Variants in CUX2 observed in about 807,000 individuals in gnomAD.
CUX2 encodes homeobox protein cut-like 2.
CUX2 carries 40 observed loss-of-function variants against 144.8 expected under a neutral mutation model. The observed-to-expected ratio is 0.28, with a 90% confidence interval of 0.21 to 0.36. CUX2 has a LOEUF of 0.36. CUX2 is among the 10% of genes least tolerant of loss of function. The pLI is 1.00. For missense variants in CUX2, 1,615 were observed against 1,994.0 expected (o/e 0.81, Z 3.62); for synonymous variants, 827 against 875.6 (o/e 0.94, Z 0.98).
intron 3 of CUX2, among the ~76,000 whole-genome samples, chr12:111,256,917 C>T (rs750408241): frequency 5.3e-5 from 8 of 152,238 alleles, no homozygotes; most frequent in South Asian, 4.2e-4. Flanking sequence ...GATGTCCCTG[C>T]GACCTCAGAC....
At chr12:111,269,647 T>C (rs999354473) in intron 4 of CUX2, among the ~76,000 whole-genome samples, 2 of 151,988 alleles carry the variant, frequency 1.3e-5, no homozygotes, top group African/African-American at 4.8e-5. Context: ...GGCCCCCCAC[T>C]TGGAAACGAG....
intron 21 of CUX2, among the ~76,000 whole-genome samples, chr12:111,342,880 A>G (rs1415632269): frequency 1.4e-5 from 2 of 147,510 alleles, no homozygotes; most frequent in East Asian, 4.1e-4. Context: ...ACTCATTTGA[A>G]CCCAGGAGGC....
intron 1 of CUX2, among the ~76,000 whole-genome samples, chr12:111,063,858 T>C (rs1036966948): frequency 2.0e-5 from 3 of 152,246 alleles, no homozygotes; most frequent in Non-Finnish European, 4.4e-5. Flanking sequence ...TCTGGGCTGT[T>C]GAGTAAATAT....
Position 111,342,065 on chromosome 12 carries a change from G to A in CUX2, c.3659+12G>A. 1.2e-6 allele frequency: 2 copies of A among 1,603,900 alleles called. No individual in the cohort carries two copies. Among genetic ancestry groups the A allele is most frequent in the Middle Eastern group, 1.7e-4 (1 of 6,000 alleles). Reference sequence around the variant, plus strand: ...TTCCACAACTACAGGTGGGACTATGGGGGCGTACCCACAGGCGGGTGGCAG... The same window carrying A: ...TTCCACAACTACAGGTGGGACTATGAGGGCGTACCCACAGGCGGGTGGCAG... On this transcript the variant is annotated intron_variant, in intron 21 of 21. Transcript: ENST00000261726.
chr12:111,204,828 C>A (rs1343392801), intron 1 of CUX2, among the ~76,000 whole-genome samples: 1 of 152,188 alleles, frequency 6.6e-6, no homozygotes, highest in Non-Finnish European at 1.5e-5. Context: ...TCCTGCTGTT[C>A]TCACAGCACT....
intron 1 of CUX2, among the ~76,000 whole-genome samples, chr12:111,173,492 G>A (rs1477174719): frequency 1.3e-5 from 2 of 152,248 alleles, no homozygotes; most frequent in African/African-American, 2.4e-5. Context: ...ATGAGGTGCT[G>A]GGCGCACAGG....
intron 1 of CUX2, among the ~76,000 whole-genome samples, chr12:111,207,980 G>T (rs1881012374): frequency 6.6e-6 from 1 of 152,112 alleles, no homozygotes; most frequent in South Asian, 2.1e-4. Flanking sequence ...GGAGTCAGAA[G>T]GTTCTGGTGC....
chr12:111,303,636 CAAA>C (rs35729076), intron 9 of CUX2, among the ~76,000 whole-genome samples: 4 of 113,282 alleles, frequency 3.5e-5, no homozygotes, highest in Non-Finnish European at 3.8e-5. Flanking sequence ...GACTCCATCT[CAAA>C]AAAAAAAAAA....
chr12:111,319,386 T>C (rs991158408), intron 16 of CUX2, among the ~76,000 whole-genome samples: 1 of 152,204 alleles, frequency 6.6e-6, no homozygotes, highest in Non-Finnish European at 1.5e-5. Flanking sequence ...GCCACTTTTC[T>C]GTGCCTTCGT....
At chr12:111,102,364 G>A (rs1309876076) in intron 1 of CUX2, among the ~76,000 whole-genome samples, 1 of 152,220 alleles carries the variant, frequency 6.6e-6, no homozygotes, top group Non-Finnish European at 1.5e-5. Context: ...CAGGCTTGTG[G>A]CGGTTGTGGG....
At chr12:111,096,198 C>T (rs368278310) in intron 1 of CUX2, among the ~76,000 whole-genome samples, 31 of 152,198 alleles carry the variant, frequency 2.0e-4, no homozygotes, top group African/African-American at 6.3e-4. Flanking sequence ...GAGTCTGGTC[C>T]GCATTCTTGC....
intron 1 of CUX2, among the ~76,000 whole-genome samples, chr12:111,159,107 C>T (rs1286477724): frequency 6.6e-6 from 1 of 152,176 alleles, no homozygotes; most frequent in Admixed American, 6.5e-5. Flanking sequence ...TAGTACCCAC[C>T]TGAGAGCCCA....
intron 3 of CUX2, among the ~76,000 whole-genome samples, chr12:111,241,301 C>T (rs1883008477): frequency 6.6e-6 from 1 of 152,202 alleles, no homozygotes; most frequent in Non-Finnish European, 1.5e-5. Flanking sequence ...GGCCCAAACA[C>T]TTCTCACTAG....
chr12:111,303,646 AAAAAG>A (rs1169782730), intron 9 of CUX2, among the ~76,000 whole-genome samples: 32 of 152,060 alleles, frequency 2.1e-4, no homozygotes, highest in South Asian at 8.3e-4. Flanking sequence ...CAAAAAAAAA[AAAAAG>A]AAAAGAAAAG....
Position 111,287,328 on chromosome 12 carries a change from C to T in CUX2, c.302-4090C>T, listed in dbSNP as rs1406528951. The stretch of plus-strand genomic sequence containing the variant: ...CCCCTCCTTGGAACCGGAGCAAGCC[C>T]TCCGTGGCCCTGCGCAGTCCGCGTG... On this transcript the variant is annotated intron_variant, in intron 4 of 21. Coordinates refer to ENST00000261726, the MANE Select transcript of CUX2 (RefSeq NM_015267.4). The surrounding 1 kb of genome is among the most constrained non-coding windows in gnomAD (Gnocchi z 4.2). Among the ~76,000 whole-genome samples the T allele has an allele frequency of 6.6e-6, 1 of 152,240 alleles. No homozygotes were observed. The highest frequency in any genetic ancestry group is 2.4e-5 in the African/African-American group (1 of 41,474).
In CUX2 at chr12:111,341,951, C is replaced by A; in HGVS notation, c.3557C>A (p.Ala1186Asp). Reference protein sequence around the residue: ...APEEKEALRKAYQLEPYPSQQ... With the variant: ...APEEKEALRKDYQLEPYPSQQ... Reference sequence around the variant, plus strand: ...GAGGAGAAGGAGGCACTGCGGAAGGCCTATCAGCTGGAACCCTACCCCTCG... The same window carrying A: ...GAGGAGAAGGAGGCACTGCGGAAGGACTATCAGCTGGAACCCTACCCCTCG... Residue 1186 changes from alanine to aspartate, a missense_variant, in exon 21 of 22, where the codon GCC (alanine) becomes GAC (aspartate). Physicochemically the swap from Ala to Asp is moderately radical, Grantham distance 126. Transcript: ENST00000261726. 6.2e-7 allele frequency: 1 copy of A among 1,614,102 alleles called. No homozygotes were observed. The highest frequency in any genetic ancestry group is 1.1e-5 in the South Asian group (1 of 91,078).
At chr12:111,049,866 A>G (rs890892252) in intron 1 of CUX2, among the ~76,000 whole-genome samples, 1 of 152,190 alleles carries the variant, frequency 6.6e-6, no homozygotes, top group African/African-American at 2.4e-5. Flanking sequence ...AAGGCAGATC[A>G]TCAGGTCTGC....
At chr12:111,058,152 C>G (rs1201767812) in intron 1 of CUX2, among the ~76,000 whole-genome samples, 1 of 152,246 alleles carries the variant, frequency 6.6e-6, no homozygotes, top group East Asian at 1.9e-4. Context: ...GCTTGATTCA[C>G]TCCTTTCTTT....
intron 1 of CUX2, among the ~76,000 whole-genome samples, chr12:111,154,148 C>T (rs1000443127): frequency 1.3e-5 from 2 of 151,912 alleles, no homozygotes; most frequent in African/African-American, 4.8e-5. Flanking sequence ...CACAGTTCAG[C>T]TCTTAGCACC....
Sources: allele counts gnomAD v4.1 joint callset (sites outside exome capture counted in the v4.1 genomes callset), GRCh38; gene constraint gnomAD v4.1.1; non-coding constraint Gnocchi (gnomAD v3.1); transcripts MANE v1.5; gene names NCBI Gene and HGNC (gene_info 2026-07-23, HGNC 2026-07-21).